LGR4: variants seen among roughly 807,000 people sequenced by gnomAD.
LGR4 encodes leucine-rich repeat-containing G protein-coupled receptor 4.
LGR4 carries 44 observed loss-of-function variants against 84.8 expected under a neutral mutation model. That is an observed-to-expected ratio of 0.52 (90% CI 0.41 to 0.67). The LOEUF (loss-of-function observed/expected upper bound fraction) is 0.67. Among genes scored for constraint, LGR4 ranks in the 30% least tolerant of loss-of-function variants. The pLI, the probability that LGR4 is intolerant of heterozygous loss-of-function variation, is 0.00. For missense variants in LGR4, 1,032 were observed against 1,131.4 expected, an observed-to-expected ratio of 0.91 and a Z score of 1.26; for synonymous variants, 429 against 434.3, an observed-to-expected ratio of 0.99 and a Z score of 0.15.
chr11:27,406,788 A>G (rs527743010), intron 2 of LGR4, among the ~76,000 whole-genome samples: 1 of 152,288 alleles, frequency 6.6e-6, no homozygotes, highest in South Asian at 2.1e-4. Context: ...AATATTTTTA[A>G]CTGTGAAACA....
intron 1 of LGR4, among the ~76,000 whole-genome samples, chr11:27,469,322 C>A (rs975016779): frequency 6.6e-6 from 1 of 152,192 alleles, no homozygotes; most frequent in African/African-American, 2.4e-5. Context: ...TATTCTCTCT[C>A]TGGGACCTTC....
chr11:27,372,254 G>A, intron 16 of LGR4, 29 bp downstream of exon 16: 2 of 1,224,408 alleles, frequency 1.6e-6, no homozygotes, highest in Non-Finnish European at 2.4e-6. Context: ...TTAAAGGAGT[G>A]TTCTATTTTT....
At chr11:27,375,108 A>AC (rs1249731439) in intron 13 of LGR4, among the ~76,000 whole-genome samples, 1 of 148,450 alleles carries the variant, frequency 6.7e-6, no homozygotes, top group African/African-American at 2.5e-5. Flanking sequence ...ACATAGGGAG[A>AC]CCCCATCTCT....
intron 1 of LGR4, among the ~76,000 whole-genome samples, chr11:27,413,322 T>C (rs1424764536): frequency 6.6e-6 from 1 of 152,084 alleles, no homozygotes; most frequent in African/African-American, 2.4e-5. Flanking sequence ...TCAAAACCTA[T>C]AAAAGTCCTC....
At chr11:27,463,067 C>CAAAAAAAA (rs35718980) in intron 1 of LGR4, among the ~76,000 whole-genome samples, 6 of 51,038 alleles carry the variant, frequency 1.2e-4, no homozygotes, top group African/African-American at 3.7e-4. Context: ...ACCCTGTCTC[C>CAAAAAAAA]AAAAAAAAAA....
chr11:27,427,822 G>GA (rs1864049878), intron 1 of LGR4, among the ~76,000 whole-genome samples: 1 of 152,136 alleles, frequency 6.6e-6, no homozygotes, highest in African/African-American at 2.4e-5. Context: ...GAGCCCTTGG[G>GA]AAAAAAGTTC....
At chr11:27,398,072 G>T (rs749355408) in intron 2 of LGR4, among the ~76,000 whole-genome samples, 8 of 152,218 alleles carry the variant, frequency 5.3e-5, no homozygotes, top group Non-Finnish European at 1.0e-4. Context: ...AAAGACCATG[G>T]ATTGACATTA....
rs1370579877 is a variant in LGR4 at position 27,472,679 on chromosome 11, T to G, written c.-377A>C. On this transcript the variant is annotated 5_prime_UTR_variant, in exon 1 of 18. Transcript: ENST00000379214. ...CGCAGCCTTCAGCCATGCCGGCCAC[T>G]CGCCCCAGCCCCCGCCGTGGCTCTC... The G allele has an allele frequency of 1.7e-5, 6 of 358,336 alleles. No homozygotes were observed. The highest frequency in any genetic ancestry group is 2.5e-5 in the Non-Finnish European group (5 of 200,690). The allele number at this position is 358,336 out of a possible 1,614,324, so 22.2% of individuals were successfully genotyped here. A position where few individuals can be genotyped will look rare whatever the true frequency, so the allele number is the denominator to read the frequency against.
chr11:27,424,170 C>A (rs1403220862), intron 1 of LGR4, among the ~76,000 whole-genome samples: 1 of 152,156 alleles, frequency 6.6e-6, no homozygotes, highest in Non-Finnish European at 1.5e-5. Context: ...ATTCCTCTAA[C>A]CTCCAGCAAA....
rs1415604191 is a variant in LGR4, at chr11:27,472,184, C to G, written c.119G>C (p.Arg40Pro). Reference sequence around the variant, plus strand: ...CAGCCCCTTCCCGGAGCAGTCCACCCGACGGTCGCCGTCGCAGCTGCAGGG... The same window carrying G: ...CAGCCCCTTCCCGGAGCAGTCCACCGGACGGTCGCCGTCGCAGCTGCAGGG... ...AAPCSCDGDRRVDCSGKGLTA... is the reference protein window; with the variant it reads ...AAPCSCDGDRPVDCSGKGLTA... Residue 40 changes from arginine to proline, a missense_variant, in exon 1 of 18, where the codon CGG (arginine) becomes CCG (proline). Transcript: ENST00000379214. The G allele has an allele frequency of 7.1e-7, 1 of 1,406,836 alleles. No homozygotes were observed. The highest frequency in any genetic ancestry group is 9.3e-7 in the Non-Finnish European group (1 of 1,079,744). 87.1% of individuals were successfully genotyped at this position (1,406,836 alleles called of 1,614,324 possible).
chr11:27,446,693 C>T lies in LGR4; in HGVS notation c.185+25425G>A, dbSNP rs375038090. 2.7e-4 allele frequency among the ~76,000 whole-genome samples: 41 copies of T among 152,160 alleles called. No individual in the cohort carries two copies. In the East Asian group the frequency reaches 4.4e-3, roughly 16 times the overall value. ...AGCCATCCCATTACTGGGTATATAC[C>T]CAAAGGATTATAAATCATGTTGCTA... On this transcript the variant is annotated intron_variant, in intron 1 of 17. Transcript: ENST00000379214.
rs1277504427 is a variant in LGR4 at position 27,380,650 on chromosome 11, G to A, written c.892C>T (p.Leu298Phe). 6.4e-7 allele frequency: 1 copy of A among 1,574,734 alleles called. No individual in the cohort carries two copies. The highest frequency in any genetic ancestry group is 8.7e-7 in the Non-Finnish European group (1 of 1,146,300). ...AATTCACATACTTACAGGGAATGAA[G>A]ATCAGATAAATTGTGAAATGCTGAG... is the stretch of plus-strand genomic sequence containing the variant. ...GNSAFHNLSD[L>F]HSLVIRGASM... The change falls in exon 9 of 18, where the codon CTT becomes TTT. Residue 298 changes from leucine (L) to phenylalanine (F), a missense_variant. Transcript: ENST00000379214.
chr11:27,450,951 C>A (rs1413176181), intron 1 of LGR4, among the ~76,000 whole-genome samples: 1 of 152,122 alleles, frequency 6.6e-6, no homozygotes, highest in African/African-American at 2.4e-5. Flanking sequence ...AAAATAATGT[C>A]CAGTGGCAGG....
chr11:27,392,502 C>T lies in LGR4; in HGVS notation c.274G>A (p.Asp92Asn), dbSNP rs376236224. The T allele has an allele frequency of 5.1e-6, 8 of 1,576,470 alleles. No homozygotes were observed. The African/African-American group carries it at 5.6e-5, about 11-fold the overall frequency. ...GCCTTTGGGTGGATAAAAGAAAGGT[C>T]GTTGCCCGCCAATTGTCTAGAGAAA... is the stretch of plus-strand genomic sequence containing the variant. Reference protein sequence around the residue: ...FLEELQLAGNDLSFIHPKALS... With the variant: ...FLEELQLAGNNLSFIHPKALS... Residue 92 changes from aspartate to asparagine, a missense_variant, in exon 3 of 18, where the codon GAC becomes AAC. Transcript: ENST00000379214.
At chr11:27,395,747 G>A (rs1041771285) in intron 2 of LGR4, among the ~76,000 whole-genome samples, 3 of 152,176 alleles carry the variant, frequency 2.0e-5, no homozygotes, top group Non-Finnish European at 2.9e-5. Flanking sequence ...ATGTATCTAC[G>A]TAAGTTTACG....
At chr11:27,389,798 G>A (rs1293179381) in intron 4 of LGR4, among the ~76,000 whole-genome samples, 4 of 152,128 alleles carry the variant, frequency 2.6e-5, no homozygotes, top group East Asian at 1.9e-4. Context: ...GAGAGAGTGT[G>A]TGAAGTCAGC....
chr11:27,440,265 A>G (rs139381505), intron 1 of LGR4, among the ~76,000 whole-genome samples: 1 of 152,216 alleles, frequency 6.6e-6, no homozygotes, highest in African/African-American at 2.4e-5. Context: ...AGAGGCACGG[A>G]GCACATGGGA....
intron 1 of LGR4, among the ~76,000 whole-genome samples, chr11:27,446,004 T>A (rs561300655): frequency 6.6e-6 from 1 of 152,374 alleles, no homozygotes; most frequent in South Asian, 2.1e-4. Flanking sequence ...AATCTGTCTA[T>A]GTCCTTCAAA....
chr11:27,391,202 T>C (rs2133377902), intron 3 of LGR4, 37 bp from the exon 4 acceptor site: 2 of 1,076,362 alleles, frequency 1.9e-6, no homozygotes. Flanking sequence ...TAACAAGTGA[T>C]AGTTACCATT....
Sources: allele counts gnomAD v4.1 joint callset (sites outside exome capture counted in the v4.1 genomes callset), GRCh38; gene constraint gnomAD v4.1.1; transcripts MANE v1.5; gene names NCBI Gene and HGNC (gene_info 2026-07-23, HGNC 2026-07-21).